Variants in KLF16 observed in about 807,000 individuals in gnomAD.
KLF16 encodes the protein KLF transcription factor 16, also known as Krueppel-like factor 16.
In KLF16, 6 loss-of-function variants were observed where a neutral mutation model predicts 6.1. The observed-to-expected ratio is 0.98, with a 90% CI of 0.54 to 1.93. The LOEUF (loss-of-function observed/expected upper bound fraction) is 1.93. Among genes scored for constraint, KLF16 ranks in the 30% most tolerant of loss-of-function variants. The pLI, the probability that KLF16 is intolerant of heterozygous loss-of-function variation, is 0.01. For synonymous variants in KLF16, 211 were observed against 176.5 expected (o/e 1.20, Z -1.55); for missense variants, 355 against 363.8 (o/e 0.98, Z 0.20).
At chr19:1,871,957 T>G in the KLF16 span, among the ~76,000 whole-genome samples, 47 of 152,000 alleles carry the variant, frequency 3.1e-4, no homozygotes, top group African/African-American at 1.1e-3. Flanking sequence ...CCCCAACCCC[T>G]GCACCCCCAG....
Position 1,852,677 on chromosome 19 carries a change from G to A in KLF16, c.*1782C>T, listed in dbSNP as rs1010892506. ...CCAGACAGGCCCCTGCCAGGGCTGGGGCCAACCAAGACTCACAAAGGAAAA... is the reference window on the plus strand; with the variant it reads ...CCAGACAGGCCCCTGCCAGGGCTGGAGCCAACCAAGACTCACAAAGGAAAA... On this transcript the variant is annotated 3_prime_UTR_variant, in exon 2 of 2. Transcript: ENST00000250916. The A allele has an allele frequency of 1.3e-5, 2 of 152,288 alleles. No individual in the cohort carries two copies. The highest frequency in any genetic ancestry group is 4.8e-5 in the African/African-American group (2 of 41,416). 9.4% of individuals were successfully genotyped at this position (152,288 alleles called of 1,614,324 possible). A position where few individuals can be genotyped will look rare whatever the true frequency, so the allele number is the denominator to read the frequency against.
In KLF16 at chr19:1,862,209, C is replaced by G. The variant is rs1011980777; in HGVS notation, c.457+832G>C. 2.0e-5 allele frequency among the ~76,000 whole-genome samples: 3 copies of G among 151,916 alleles called. No homozygotes were observed. The East Asian group carries it at 5.8e-4, about 29-fold the overall frequency. ...CAAACTCCCAGTCCAGAAAGTGGAA[C>G]CCTAGGAGGGGACGGAGTGAAAAAA... On this transcript the variant is annotated intron_variant, in intron 1 of 1. Transcript: ENST00000250916.
At position 1,863,360 on chromosome 19, in the gene KLF16, C is replaced by A; in HGVS notation, c.138G>T (p.Ala46=). 1 of 979,948 alleles carries A rather than the reference C, an allele frequency of 1.0e-6. No individual in the cohort carries two copies. 60.7% of individuals were successfully genotyped at this position (979,948 alleles called of 1,614,324 possible). Residue 46 remains alanine, a synonymous_variant, in exon 1 of 2, where the codon GCG becomes GCT. Coordinates refer to ENST00000250916, the MANE Select transcript of KLF16 (RefSeq NM_031918.4). ...TCCCGGGTGAGGCGGCCTCGCGGCGCGCCGCGCGCACATCCAGGCCGGCGG... is the reference window on the plus strand; with the variant it reads ...TCCCGGGTGAGGCGGCCTCGCGGCGAGCCGCGCGCACATCCAGGCCGGCGG... The part of the protein sequence containing the change: ...GPAAGLDVRA[A]RREAASPGTP...
At chr19:1,869,459 G>GA in the KLF16 span, among the ~76,000 whole-genome samples, 1 of 152,284 alleles carries the variant, frequency 6.6e-6, no homozygotes, top group Non-Finnish European at 1.5e-5. Flanking sequence ...CAGCCTGTGT[G>GA]AAAGAGTGAA....
At chr19:1,867,959 T>TGTGTGTGTGTGTGC (rs897788770), upstream of KLF16, among the ~76,000 whole-genome samples, 3 of 143,414 alleles carry the variant, frequency 2.1e-5, no homozygotes, top group African/African-American at 7.5e-5. Context: ...TGTGTGTGTG[T>TGTGTGTGTGTGTGC]GTGCGTGCGC....
chr19:1,860,229 C>G (rs138927728), intron 1 of KLF16: 4 of 152,286 alleles, frequency 2.6e-5, no homozygotes, highest in African/African-American at 9.6e-5. Context: ...TCTCCGTAAC[C>G]ATAGCAACGG....
intron 1 of KLF16, among the ~76,000 whole-genome samples, chr19:1,862,497 G>C (rs1018251432): frequency 6.6e-6 from 1 of 152,050 alleles, no homozygotes; most frequent in Admixed American, 6.5e-5. Flanking sequence ...AAAATACAGA[G>C]AACGCAGAGA....
At chr19:1,863,896 A>G (rs1424953870), upstream of KLF16, among the ~76,000 whole-genome samples, 25 of 145,062 alleles carry the variant, frequency 1.7e-4, no homozygotes, top group Admixed American at 1.7e-3. Flanking sequence ...TCTCCGCGCT[A>G]GGGTGCAAGG....
chr19:1,865,845 C>G (rs557578213), upstream of KLF16, among the ~76,000 whole-genome samples: 1 of 152,242 alleles, frequency 6.6e-6, no homozygotes, highest in East Asian at 1.9e-4. Context: ...AGGGCTCTGT[C>G]CTCTCTTCCT....
chr19:1,872,843 G>C, the KLF16 span, among the ~76,000 whole-genome samples: 1 of 151,012 alleles, frequency 6.6e-6, no homozygotes, highest in Non-Finnish European at 1.5e-5. Flanking sequence ...GCCGGAGCCC[G>C]GAACCGGGAG....
intron 1 of KLF16, among the ~76,000 whole-genome samples, chr19:1,858,268 G>A (rs1156359331): frequency 6.6e-6 from 1 of 152,142 alleles, no homozygotes; most frequent in Non-Finnish European, 1.5e-5. Context: ...CTCCCGCCTG[G>A]GCACCCAGAC....
the KLF16 span, among the ~76,000 whole-genome samples, chr19:1,872,276 G>A: frequency 1.3e-5 from 2 of 152,132 alleles, no homozygotes; most frequent in Non-Finnish European, 2.9e-5. Context: ...GACTACAGGC[G>A]CCCGCCACCA....
At chr19:1,873,870 A>G in the KLF16 span, among the ~76,000 whole-genome samples, 4 of 152,242 alleles carry the variant, frequency 2.6e-5, no homozygotes, top group Non-Finnish European at 5.9e-5. Flanking sequence ...TGTGAGAGGG[A>G]CAGGCAGAGG....
Position 1,854,746 on chromosome 19 carries a change from C to A in KLF16, c.472G>T (p.Ala158Ser). The A allele has an allele frequency of 6.3e-7, 1 of 1,598,642 alleles. No homozygotes were observed. Among genetic ancestry groups the A allele is most frequent in the Non-Finnish European group, 8.5e-7 (1 of 1,179,454 alleles). ...LRTHTGERPF[A>S]CDWQGCDKKF... ...TTGTCGCAGCCCTGCCAGTCACAAG[C>A]AAAAGGGCGTTCCCCTGGACGGAGA... is the stretch of plus-strand genomic sequence containing the variant. The change falls in exon 2 of 2, where the codon GCT becomes TCT. Residue 158 changes from alanine to serine, a missense_variant. Coordinates refer to ENST00000250916, the MANE Select transcript of KLF16 (RefSeq NM_031918.4).
At chr19:1,865,796 T>C (rs1393486945), upstream of KLF16, among the ~76,000 whole-genome samples, 2 of 152,190 alleles carry the variant, frequency 1.3e-5, no homozygotes. Context: ...CCATGACCCC[T>C]GCGGTGAACA....
intron 1 of KLF16, among the ~76,000 whole-genome samples, chr19:1,860,915 C>A (rs942722509): frequency 2.0e-5 from 3 of 152,012 alleles, no homozygotes; most frequent in African/African-American, 7.3e-5. Flanking sequence ...GTCCCCAAAT[C>A]GTTACTGTAA....
chr19:1,867,127 A>G (rs1431974336), upstream of KLF16, among the ~76,000 whole-genome samples: 8 of 152,034 alleles, frequency 5.3e-5, no homozygotes, highest in East Asian at 1.5e-3. Flanking sequence ...ACACAACGGG[A>G]CTCTCAGAGG....
upstream of KLF16, among the ~76,000 whole-genome samples, chr19:1,864,235 A>G (rs2012144438): frequency 6.7e-6 from 1 of 150,050 alleles, no homozygotes; most frequent in African/African-American, 2.5e-5. Context: ...CCGGGGTTGG[A>G]GGGGTGCGGA....
At position 1,854,406 on chromosome 19, in the gene KLF16, C is replaced by T. The variant is rs1367545545; in HGVS notation, c.*53G>A. 2.2e-6 allele frequency: 3 copies of T among 1,381,270 alleles called. No individual in the cohort carries two copies. The highest frequency in any genetic ancestry group is 7.5e-5 in the Admixed American group (2 of 26,504). The allele number at this position is 1,381,270 out of a possible 1,614,324, so 85.6% of individuals were successfully genotyped here. A position where few individuals can be genotyped will look rare whatever the true frequency, so the allele number is the denominator to read the frequency against. On this transcript the variant is annotated 3_prime_UTR_variant, in exon 2 of 2. Transcript: ENST00000250916. ...CCAGGCTCCCCGTGGGTCCTCACTACACCCCTGGATGGCAGAAGCATCCTG... is the reference window on the plus strand; with the variant it reads ...CCAGGCTCCCCGTGGGTCCTCACTATACCCCTGGATGGCAGAAGCATCCTG...
Sources: gnomAD v4.1 joint callset for allele counts (sites outside exome capture counted in the v4.1 genomes callset) on GRCh38, gnomAD v4.1.1 for gene constraint, MANE v1.5 for transcripts, NCBI Gene and HGNC (gene_info 2026-07-23, HGNC 2026-07-21) for gene names.